TTC13: variants seen among roughly 807,000 people sequenced by gnomAD.
The protein encoded by TTC13 is tetratricopeptide repeat protein 13.
TTC13 carries 62 observed loss-of-function variants against 120.0 expected under a neutral mutation model. The observed-to-expected ratio is 0.52, with a 90% CI of 0.42 to 0.64. The LOEUF is 0.64. TTC13 is among the 30% of genes least tolerant of loss of function. The pLI, the probability that TTC13 is intolerant of heterozygous loss-of-function variation, is 0.00. For synonymous variants in TTC13, 384 were observed against 393.5 expected, an observed-to-expected ratio of 0.98 and a Z score of 0.28; for missense variants, 824 against 1,050.2, an observed-to-expected ratio of 0.78 and a Z score of 2.98.
chr1:230,914,544 G>T (rs541533459), intron 18 of TTC13, among the ~76,000 whole-genome samples: 1 of 152,078 alleles, frequency 6.6e-6, no homozygotes, highest in Non-Finnish European at 1.5e-5. Flanking sequence ...ACAGGTGCGC[G>T]CCACCAGGCC....
rs575690024 is a variant in TTC13, at chr1:230,917,546, G to T, written c.1984-1244C>A. Among the ~76,000 whole-genome samples the T allele has an allele frequency of 3.9e-5, 6 of 152,228 alleles. No individual in the cohort carries two copies. The South Asian group carries it at 1.2e-3, about 32-fold the overall frequency. On this transcript the variant is annotated intron_variant, in intron 17 of 22. Coordinates refer to ENST00000366661, the MANE Select transcript of TTC13 (RefSeq NM_024525.5). ...ACTCAAATATCTTGTTGTATATTCT[G>T]CTGTGTGTGCCTTGCAAAGTACCAA...
chr1:230,974,023 G>A (rs573995581), intron 1 of TTC13, among the ~76,000 whole-genome samples: 1 of 151,014 alleles, frequency 6.6e-6, no homozygotes, highest in South Asian at 2.1e-4. Flanking sequence ...GTTGCAGTGA[G>A]CCGAGATCAC....
intron 9 of TTC13, among the ~76,000 whole-genome samples, chr1:230,933,171 C>T (rs771345786): frequency 6.6e-6 from 1 of 152,094 alleles, no homozygotes; most frequent in African/African-American, 2.4e-5. Context: ...CAGGGTTTCA[C>T]CATGTTGGCC....
intron 14 of TTC13, among the ~76,000 whole-genome samples, 198 bp from the exon 15 acceptor site, chr1:230,924,131 G>A (rs961901131): frequency 6.6e-6 from 1 of 152,214 alleles, no homozygotes; most frequent in South Asian, 2.1e-4. Flanking sequence ...AGGTTTAGGA[G>A]CAGAGGACAG....
At chr1:230,939,869 T>C (rs1202740737) in intron 7 of TTC13, among the ~76,000 whole-genome samples, 1 of 152,246 alleles carries the variant, frequency 6.6e-6, no homozygotes, top group Non-Finnish European at 1.5e-5. Context: ...AAATGTGTTA[T>C]GCTGAGACTC....
At chr1:230,953,689 C>T (rs999636678) in intron 4 of TTC13, among the ~76,000 whole-genome samples, 1 of 152,188 alleles carries the variant, frequency 6.6e-6, no homozygotes, top group African/African-American at 2.4e-5. Context: ...AATGGTTAGG[C>T]ACCAACAGTG....
chr1:230,932,930 C>T (rs925911034), intron 9 of TTC13, among the ~76,000 whole-genome samples: 3 of 152,188 alleles, frequency 2.0e-5, no homozygotes, highest in African/African-American at 7.2e-5. Flanking sequence ...GTCATGAGCT[C>T]CTTCACTCAT....
chr1:230,931,914 T>C (rs753633086), intron 9 of TTC13, 37 bp from the exon 10 acceptor site: 1 of 1,594,948 alleles, frequency 6.3e-7, no homozygotes, highest in Non-Finnish European at 8.6e-7. Flanking sequence ...ACAGTATAGA[T>C]ATTACGGGAA....
chr1:230,962,158 C>T (rs1415991811), intron 1 of TTC13, among the ~76,000 whole-genome samples: 2 of 151,002 alleles, frequency 1.3e-5, no homozygotes, highest in Admixed American at 6.6e-5. Flanking sequence ...TGCCGTGAGC[C>T]GAGACTGTGC....
intron 1 of TTC13, among the ~76,000 whole-genome samples, chr1:230,977,170 G>A (rs562608624): frequency 1.3e-5 from 2 of 152,102 alleles, no homozygotes; most frequent in Non-Finnish European, 2.9e-5. Flanking sequence ...TAATGAGGTG[G>A]TTATTGTTTT....
intron 17 of TTC13, 87 bp from the exon 18 acceptor site, chr1:230,916,389 C>G: frequency 9.8e-7 from 1 of 1,022,006 alleles, no homozygotes; most frequent in Non-Finnish European, 1.5e-6. Context: ...CTCTACCTTA[C>G]ATGTTTTTAA....
At position 230,944,030 on chromosome 1, in the gene TTC13, T is replaced by C. The variant is rs1200776070; in HGVS notation, c.580-132A>G. 1 of 467,988 alleles carries C rather than the reference T, an allele frequency of 2.1e-6. No individual in the cohort carries two copies. Among genetic ancestry groups the C allele is most frequent in the East Asian group, 3.4e-5 (1 of 29,494 alleles). 29.0% of individuals were successfully genotyped at this position (467,988 alleles called of 1,614,324 possible). ...AAAATAAATATGAACTTCACTTCTA[T>C]GTAAGAGATGTGCCATGTCAAATCA... is the stretch of plus-strand genomic sequence containing the variant. On this transcript the variant is annotated intron_variant, in intron 5 of 22. Coordinates refer to ENST00000366661, the MANE Select transcript of TTC13 (RefSeq NM_024525.5). The surrounding 1 kb of genome is among the most constrained non-coding windows in gnomAD (Gnocchi z 4.0).
intron 18 of TTC13, among the ~76,000 whole-genome samples, chr1:230,914,609 G>A (rs895587432): frequency 2.0e-5 from 3 of 152,066 alleles, no homozygotes; most frequent in Non-Finnish European, 4.4e-5. Context: ...TGGTCAGGCT[G>A]GTCTCGAACT....
chr1:230,931,681 A>G, intron 10 of TTC13, 55 bp downstream of exon 10: 11 of 1,593,816 alleles, frequency 6.9e-6, no homozygotes, highest in Non-Finnish European at 9.4e-6. Context: ...ACTAAACTTC[A>G]ATGAAGAATA....
At chr1:230,928,561 C>T (rs1673251709) in intron 12 of TTC13, among the ~76,000 whole-genome samples, 1 of 152,142 alleles carries the variant, frequency 6.6e-6, no homozygotes, top group African/African-American at 2.4e-5. Flanking sequence ...TAATCCATAT[C>T]ACTGATTTCT....
intron 1 of TTC13, among the ~76,000 whole-genome samples, chr1:230,973,483 A>C (rs1195383506): frequency 6.6e-6 from 1 of 152,238 alleles, no homozygotes; most frequent in African/African-American, 2.4e-5. Context: ...AAATAGAATA[A>C]ATGCAATTCT....
At chr1:230,969,017 G>A (rs1677443046) in intron 1 of TTC13, among the ~76,000 whole-genome samples, 2 of 152,220 alleles carry the variant, frequency 1.3e-5, no homozygotes, top group African/African-American at 2.4e-5. Flanking sequence ...GCTCACGCCT[G>A]TAATCCCAGC....
chr1:230,928,884 A>T lies in TTC13; in HGVS notation c.1457+53T>A. The T allele has an allele frequency of 2.5e-6, 4 of 1,597,646 alleles. No homozygotes were observed. In the South Asian group the frequency reaches 4.5e-5, roughly 18 times the overall value. ...AGTAGCGTGCCACCATGCCCAGCTT[A>T]TAGCTCAGTTTTGAGAAAGGAAAAA... On this transcript the variant is annotated intron_variant, in intron 12 of 22. Transcript: ENST00000366661.
At position 230,958,603 on chromosome 1, in the gene TTC13, T is replaced by C. The variant is rs1204380769; in HGVS notation, c.367-304A>G. On this transcript the variant is annotated intron_variant, in intron 2 of 22. Coordinates refer to ENST00000366661, the MANE Select transcript of TTC13 (RefSeq NM_024525.5). ...CAATGCGTAAGGGTGTTACTGATGA[T>C]ATACAGCTGGGTGTGACCAGAACAT... 3.3e-5 allele frequency among the ~76,000 whole-genome samples: 5 copies of C among 152,362 alleles called. No homozygotes were observed. The East Asian group carries it at 9.6e-4, about 29-fold the overall frequency.
Sources: allele counts gnomAD v4.1 joint callset (sites outside exome capture counted in the v4.1 genomes callset), GRCh38; gene constraint gnomAD v4.1.1; non-coding constraint Gnocchi (gnomAD v3.1); transcripts MANE v1.5; gene names NCBI Gene and HGNC (gene_info 2026-07-23, HGNC 2026-07-21).